The following FBXO10 variants were observed in gnomAD, a reference collection of about 807,000 sequenced individuals.
FBXO10 encodes F-box only protein 10.
Under a neutral mutation model 80.7 loss-of-function variants are expected in FBXO10, and 39 were observed. That is an observed-to-expected ratio of 0.48 (90% CI 0.37 to 0.63). The LOEUF is 0.63. Among genes scored for constraint, FBXO10 ranks in the 30% least tolerant of loss-of-function variants. The probability of loss-of-function intolerance (pLI) is 0.00; values close to 1 mark genes in which losing one functional copy is unlikely to be tolerated. For synonymous variants in FBXO10, 449 were observed against 489.6 expected, an observed-to-expected ratio of 0.92 and a Z score of 1.09; for missense variants, 1,025 against 1,269.0, an observed-to-expected ratio of 0.81 and a Z score of 2.92.
Position 37,537,757 on chromosome 9 carries a change from C to T in FBXO10, c.772G>A (p.Val258Ile). Reference protein sequence around the residue: ...FVGSENNSVTVEGHPSADKNW... With the variant: ...FVGSENNSVTIEGHPSADKNW... Reference sequence around the variant, plus strand: ...TTATCTGCAGATGGGTGACCCTCAACAGTCACAGAGTTGTTTTCACTGCCC... The same window carrying T: ...TTATCTGCAGATGGGTGACCCTCAATAGTCACAGAGTTGTTTTCACTGCCC... The change falls in exon 3 of 11, where the codon GTT becomes ATT. Residue 258 changes from valine (V) to isoleucine (I), a missense_variant. By Grantham distance (29) the Val-to-Ile change is conservative. Transcript: ENST00000432825. 1 of 1,614,028 alleles carries T rather than the reference C, an allele frequency of 6.2e-7. No individual in the cohort carries two copies. The highest frequency in any genetic ancestry group is 8.5e-7 in the Non-Finnish European group (1 of 1,179,898).
chr9:37,522,428 C>T (rs932439278), intron 7 of FBXO10: 12 of 1,033,288 alleles, frequency 1.2e-5, no homozygotes, highest in African/African-American at 3.4e-5. Flanking sequence ...AAAGTCACTG[C>T]GTGAGTGAGA....
chr9:37,521,491 A>T (rs1225131864), intron 8 of FBXO10, 78 bp downstream of exon 8: 3 of 1,363,852 alleles, frequency 2.2e-6, no homozygotes, highest in East Asian at 5.4e-5. Flanking sequence ...TTAAATTAAA[A>T]GTTTTAAATT....
chr9:37,521,192 A>G (rs1821335294), intron 8 of FBXO10, among the ~76,000 whole-genome samples: 1 of 152,164 alleles, frequency 6.6e-6, no homozygotes, highest in African/African-American at 2.4e-5. Context: ...GCAAGTTGGG[A>G]TCAGTCTGCA....
intron 1 of FBXO10, among the ~76,000 whole-genome samples, chr9:37,568,240 C>T (rs757804352): frequency 9.9e-5 from 15 of 151,992 alleles, no homozygotes; most frequent in Non-Finnish European, 2.1e-4. Context: ...CTCTGTTGCC[C>T]AAACTGGAGT....
intron 2 of FBXO10, 83 bp from the exon 3 acceptor site, chr9:37,538,026 A>T (rs1340464141): frequency 7.6e-6 from 8 of 1,056,964 alleles, no homozygotes; most frequent in Non-Finnish European, 1.1e-5. Flanking sequence ...AGGGTAGAAC[A>T]TGGAAAGGCC....
chr9:37,518,469 G>T (rs1372674632), intron 8 of FBXO10, 31 bp from the exon 9 acceptor site: 4 of 1,538,564 alleles, frequency 2.6e-6, no homozygotes, highest in Middle Eastern at 3.5e-4. Context: ...AAGCACAGGG[G>T]GTCCCAGGGT....
intron 10 of FBXO10, among the ~76,000 whole-genome samples, chr9:37,513,287 C>T (rs181595934): frequency 2.0e-5 from 3 of 152,304 alleles, no homozygotes; most frequent in Admixed American, 6.5e-5. Flanking sequence ...GTGTGTGCCA[C>T]GGTGCCAGCT....
chr9:37,548,274 A>G (rs1822107661), intron 1 of FBXO10, among the ~76,000 whole-genome samples: 2 of 152,038 alleles, frequency 1.3e-5, no homozygotes, highest in Non-Finnish European at 2.9e-5. Flanking sequence ...AATCCCAGTT[A>G]CTCAGGAGGC....
intron 1 of FBXO10, among the ~76,000 whole-genome samples, chr9:37,551,895 C>T (rs988275313): frequency 5.3e-5 from 8 of 152,202 alleles, no homozygotes; most frequent in Non-Finnish European, 7.3e-5. Context: ...CATGCAACAT[C>T]GTGAATGCTC....
intron 3 of FBXO10, among the ~76,000 whole-genome samples, chr9:37,534,415 C>T (rs1461043868): frequency 2.0e-5 from 3 of 152,136 alleles, no homozygotes; most frequent in Non-Finnish European, 2.9e-5. Context: ...GAGCCCAGAT[C>T]GTGCCACTGC....
chr9:37,556,734 G>T (rs1822346352), intron 1 of FBXO10, among the ~76,000 whole-genome samples: 2 of 151,912 alleles, frequency 1.3e-5, no homozygotes, highest in Middle Eastern at 6.8e-3. Flanking sequence ...AGTAGATATG[G>T]GGGTTTCACC....
At chr9:37,575,744 T>C (rs902054733) in intron 1 of FBXO10, 1 of 152,302 alleles carries the variant, frequency 6.6e-6, no homozygotes, top group Non-Finnish European at 1.5e-5. Flanking sequence ...TTGCATAAAA[T>C]ACACAGTGGG....
Position 37,511,750 on chromosome 9 carries a change from A to G in FBXO10, c.*797T>C, listed in dbSNP as rs528031970. On this transcript the variant is annotated 3_prime_UTR_variant, in exon 11 of 11. Coordinates refer to ENST00000432825, the MANE Select transcript of FBXO10 (RefSeq NM_012166.3). ...ATCCATGAGAACACAGATGCGAACGAGAGGCCCAGGTACCCTCATCTGAAC... is the reference window on the plus strand; with the variant it reads ...ATCCATGAGAACACAGATGCGAACGGGAGGCCCAGGTACCCTCATCTGAAC... 6.5e-6 allele frequency: 1 copy of G among 152,768 alleles called. No homozygotes were observed. Among genetic ancestry groups the G allele is most frequent in the South Asian group, 2.1e-4 (1 of 4,834 alleles). The allele number at this position is 152,768 out of a possible 1,614,324, so 9.5% of individuals were successfully genotyped here.
intron 2 of FBXO10, among the ~76,000 whole-genome samples, chr9:37,540,761 T>C (rs1461432858): frequency 6.6e-6 from 1 of 152,236 alleles, no homozygotes; most frequent in African/African-American, 2.4e-5. Context: ...GTTCATGTGC[T>C]GAAGGTGACT....
Position 37,522,155 on chromosome 9 carries a change from G to A in FBXO10, c.1931-317C>T, listed in dbSNP as rs956993381. 2.0e-5 allele frequency among the ~76,000 whole-genome samples: 3 copies of A among 152,226 alleles called. No individual in the cohort carries two copies. The South Asian group carries it at 6.2e-4, about 32-fold the overall frequency. The stretch of plus-strand genomic sequence containing the variant: ...GCCAAGGGGGCACCAATCCCTCCCT[G>A]CATAGGAGGCAGCCTCAGTTGGAAT... On this transcript the variant is annotated intron_variant, in intron 7 of 10. Transcript: ENST00000432825.
At chr9:37,553,191 G>A (rs980229134) in intron 1 of FBXO10, among the ~76,000 whole-genome samples, 2 of 151,926 alleles carry the variant, frequency 1.3e-5, no homozygotes, top group African/African-American at 4.8e-5. Context: ...ACAGGCACGC[G>A]CCACCATGCC....
chr9:37,541,230 C>T lies in FBXO10; in HGVS notation c.539G>A (p.Cys180Tyr), dbSNP rs754358082. The T allele has an allele frequency of 1.2e-6, 2 of 1,612,496 alleles. No homozygotes were observed. The highest frequency in any genetic ancestry group is 4.5e-5 in the East Asian group (2 of 44,892). The change falls in exon 2 of 11, where the codon TGC becomes TAC. Residue 180 changes from cysteine to tyrosine, a missense_variant. By Grantham distance (194) the Cys-to-Tyr change is radical (BLOSUM62 -2). This residue lies in a region of FBXO10 where 450 missense variants were observed against 499.4 expected (regional missense o/e 0.90). Transcript: ENST00000432825. ...CCAGGCTGGCGTGAAGACGAGGTTGCACAGGCGTGTGGTTGAGCAGTGCTG... is the reference window on the plus strand; with the variant it reads ...CCAGGCTGGCGTGAAGACGAGGTTGTACAGGCGTGTGGTTGAGCAGTGCTG... ...IDQHCSTTRL[C>Y]NLVFTPAWFS...
intron 1 of FBXO10, among the ~76,000 whole-genome samples, chr9:37,571,619 C>G (rs2119205117): frequency 6.6e-6 from 1 of 150,986 alleles, no homozygotes; most frequent in East Asian, 1.9e-4. Context: ...GAGGGCTTCT[C>G]CCACAGTCTC....
chr9:37,553,183 A>G (rs1822248665), intron 1 of FBXO10, among the ~76,000 whole-genome samples: 1 of 152,086 alleles, frequency 6.6e-6, no homozygotes, highest in South Asian at 2.1e-4. Flanking sequence ...CTGGGACTAC[A>G]GGCACGCGCC....
Sources: gnomAD v4.1 joint callset for allele counts (sites outside exome capture counted in the v4.1 genomes callset) on GRCh38, gnomAD v4.1.1 for gene constraint, gnomAD v4.1.1 regional missense constraint, MANE v1.5 for transcripts, NCBI Gene and HGNC (gene_info 2026-07-23, HGNC 2026-07-21) for gene names.